The following TAS2R1 variants were observed in gnomAD, a reference collection of about 807,000 sequenced individuals.
The protein encoded by TAS2R1 is taste 2 receptor member 1.
For missense variants in TAS2R1, 370 were observed against 353.4 expected (o/e 1.05, Z -0.38); for synonymous variants, 141 against 134.2 (o/e 1.05, Z -0.35).
the TAS2R1 span, among the ~76,000 whole-genome samples, chr5:9,815,914 A>G: frequency 3.3e-5 from 5 of 152,158 alleles, no homozygotes; most frequent in Non-Finnish European, 7.4e-5. Context: ...AGGGTCATTA[A>G]TGTTCCTGAA....
chr5:9,633,294 T>TTATATATATATA (rs200096603), upstream of TAS2R1, among the ~76,000 whole-genome samples: 138 of 67,800 alleles, frequency 2.0e-3, 4 homozygotes, highest in African/African-American at 3.5e-3. Context: ...TGTGTGTATA[T>TTATATATATATA]TATATATATA....
chr5:9,740,303 C>T, the TAS2R1 span, among the ~76,000 whole-genome samples: 1 of 152,142 alleles, frequency 6.6e-6, no homozygotes, highest in Non-Finnish European at 1.5e-5. Context: ...AAAAGTGAGA[C>T]CTTGAAAGAT....
chr5:9,763,824 T>C, the TAS2R1 span, among the ~76,000 whole-genome samples: 1 of 152,172 alleles, frequency 6.6e-6, no homozygotes, highest in Non-Finnish European at 1.5e-5. Flanking sequence ...GAAATAAACG[T>C]AAAACAGGCC....
At chr5:9,800,896 T>G in the TAS2R1 span, among the ~76,000 whole-genome samples, 1 of 152,174 alleles carries the variant, frequency 6.6e-6, no homozygotes, top group African/African-American at 2.4e-5. Flanking sequence ...AGTACCCTTA[T>G]AAGAAAAAGA....
At chr5:9,784,329 C>T in the TAS2R1 span, among the ~76,000 whole-genome samples, 1 of 152,178 alleles carries the variant, frequency 6.6e-6, no homozygotes, top group Non-Finnish European at 1.5e-5. Flanking sequence ...GGCTCTCATA[C>T]ATCCAGGACT....
At chr5:9,635,853 G>A (rs1210858504) in intron 2 of TAS2R1, among the ~76,000 whole-genome samples, 1 of 151,830 alleles carries the variant, frequency 6.6e-6, no homozygotes. Context: ...CTCACTAATG[G>A]TCTATCAATT....
intron 1 of TAS2R1, among the ~76,000 whole-genome samples, chr5:9,680,700 A>G (rs1393319343): frequency 6.6e-6 from 1 of 152,186 alleles, no homozygotes; most frequent in African/African-American, 2.4e-5. Context: ...ATCAGAGACA[A>G]CAAAAGGATC....
chr5:9,679,269 C>A (rs1247643458), intron 1 of TAS2R1, among the ~76,000 whole-genome samples: 1 of 152,150 alleles, frequency 6.6e-6, no homozygotes, highest in Non-Finnish European at 1.5e-5. Context: ...CTAAATAATA[C>A]CGTGATGGCA....
At chr5:9,840,174 A>G in the TAS2R1 span, among the ~76,000 whole-genome samples, 1 of 152,150 alleles carries the variant, frequency 6.6e-6, no homozygotes, top group Non-Finnish European at 1.5e-5. Flanking sequence ...AGGAAGGGTG[A>G]GCTAAACTGA....
At chr5:9,807,763 G>A in the TAS2R1 span, among the ~76,000 whole-genome samples, 2 of 152,132 alleles carry the variant, frequency 1.3e-5, no homozygotes, top group Non-Finnish European at 2.9e-5. Flanking sequence ...TGGGACTCAA[G>A]GGTAATGATG....
intron 1 of TAS2R1, among the ~76,000 whole-genome samples, chr5:9,686,193 A>G (rs1023630267): frequency 6.6e-6 from 1 of 152,136 alleles, no homozygotes; most frequent in Non-Finnish European, 1.5e-5. Flanking sequence ...CTGCGATCGG[A>G]TGACCCTGTT....
chr5:9,852,365 T>C, the TAS2R1 span, among the ~76,000 whole-genome samples: 1 of 151,546 alleles, frequency 6.6e-6, no homozygotes, highest in Non-Finnish European at 1.5e-5. Flanking sequence ...CTCCCCAGAA[T>C]TTTTTTCATT....
chr5:9,752,102 C>G, the TAS2R1 span, among the ~76,000 whole-genome samples: 1 of 152,172 alleles, frequency 6.6e-6, no homozygotes, highest in Non-Finnish European at 1.5e-5. Flanking sequence ...GATCGATACC[C>G]ACAGGCATAC....
intron 2 of TAS2R1, among the ~76,000 whole-genome samples, chr5:9,640,515 A>C (rs1300841900): frequency 6.6e-6 from 1 of 150,558 alleles, no homozygotes; most frequent in Admixed American, 6.6e-5. Flanking sequence ...AAAAAAAAAA[A>C]AAAAAAACAG....
At chr5:9,847,608 G>C in the TAS2R1 span, among the ~76,000 whole-genome samples, 1 of 152,346 alleles carries the variant, frequency 6.6e-6, no homozygotes, top group East Asian at 1.9e-4. Context: ...ACTGGCTTGA[G>C]CCAATGTCAC....
At chr5:9,871,564 A>G in the TAS2R1 span, among the ~76,000 whole-genome samples, 3 of 152,224 alleles carry the variant, frequency 2.0e-5, no homozygotes, top group South Asian at 2.1e-4. Flanking sequence ...GTCCTCCCCA[A>G]CTGCACACAC....
chr5:9,723,269 A>G, the TAS2R1 span, among the ~76,000 whole-genome samples: 2 of 152,318 alleles, frequency 1.3e-5, no homozygotes, highest in East Asian at 1.9e-4. Context: ...GCCAAGGTCT[A>G]TAGCTAAGGT....
At chr5:9,731,181 T>C in the TAS2R1 span, among the ~76,000 whole-genome samples, 1 of 151,694 alleles carries the variant, frequency 6.6e-6, no homozygotes, top group East Asian at 1.9e-4. Flanking sequence ...CCTGCTGACA[T>C]TCATCTCCTT....
the TAS2R1 span, among the ~76,000 whole-genome samples, chr5:9,886,047 T>C: frequency 1.3e-5 from 2 of 151,492 alleles, no homozygotes; most frequent in African/African-American, 4.8e-5. Flanking sequence ...TTTTTTTTTT[T>C]TGGAGACGGA....
Sources: allele counts gnomAD v4.1 joint callset (sites outside exome capture counted in the v4.1 genomes callset), GRCh38; gene constraint gnomAD v4.1.1; transcripts MANE v1.5; gene names NCBI Gene and HGNC (gene_info 2026-07-23, HGNC 2026-07-21).